APEH: variants seen among roughly 807,000 people sequenced by gnomAD.
APEH encodes the protein acylaminoacyl-peptide hydrolase.
Under a neutral mutation model 102.7 loss-of-function variants are expected in APEH, and 75 were observed. The observed-to-expected ratio is 0.73, with a 90% CI of 0.61 to 0.89. The LOEUF (loss-of-function observed/expected upper bound fraction) is 0.89. Among genes scored for constraint, APEH ranks in the 40% least tolerant of loss-of-function variants. The pLI is 0.00. For synonymous variants in APEH, 344 were observed against 362.7 expected (o/e 0.95, Z 0.59); for missense variants, 863 against 941.2 (o/e 0.92, Z 1.09).
At position 49,682,667 on chromosome 3, in the gene APEH, G is replaced by A. The variant is rs374100556; in HGVS notation, c.1814G>A (p.Arg605Lys). The A allele has an allele frequency of 6.2e-7, 1 of 1,613,892 alleles. No homozygotes were observed. Among genetic ancestry groups the A allele is most frequent in the Non-Finnish European group, 8.5e-7 (1 of 1,180,024 alleles). Residue 605 changes from arginine to lysine, a missense_variant, in exon 19 of 22, where the codon AGG (arginine) becomes AAG (lysine). Physicochemically the swap from Arg to Lys is conservative, Grantham distance 26 (BLOSUM62 2). Coordinates refer to ENST00000296456, the MANE Select transcript of APEH (RefSeq NM_001640.4). ...ATTGGTCAGTACCCAGAGACCTACA[G>A]GGCCTGCGTGGCCCGGAACCCCGTG... ...HLIGQYPETY[R>K]ACVARNPVIN...
At chr3:49,677,133 T>C in intron 10 of APEH, 109 bp downstream of exon 10, 1 of 1,485,036 alleles carries the variant, frequency 6.7e-7, no homozygotes, top group Non-Finnish European at 9.2e-7. Flanking sequence ...TAGGTGCCCT[T>C]CTGTCCTCAA....
At position 49,675,950 on chromosome 3, in the gene APEH, G is replaced by A; in HGVS notation, c.426G>A (p.Gly142=). ...SFNLSALEKH[G]PVYEDDCFGC... is the part of the protein sequence containing the mutation. ...ACCTGTCAGCGCTGGAGAAACATGG[G>A]CCTGTTTATGAGGATGGTGAGGCAT... Residue 142 remains glycine (G), a synonymous_variant, in exon 5 of 22, where the codon GGG becomes GGA. Transcript: ENST00000296456. 4 of 1,614,214 alleles carry A rather than the reference G, an allele frequency of 2.5e-6. No individual in the cohort carries two copies. The highest frequency in any genetic ancestry group is 3.4e-6 in the Non-Finnish European group (4 of 1,180,028).
rs147426925 is a variant in APEH at position 49,676,962 on chromosome 3, C to T, written c.937C>T (p.Arg313Cys). The T allele has an allele frequency of 1.5e-5, 25 of 1,614,062 alleles. No homozygotes were observed. In the African/African-American group the frequency reaches 2.5e-4, roughly 16 times the overall value. ...TCCCCGGCTGAGCCCAGACCAATGT[C>T]GCATTGTCTACCTGCAGTACCCATC... ...SSPRLSPDQC[R>C]IVYLQYPSLI... Residue 313 changes from arginine to cysteine, a missense_variant, in exon 10 of 22, where the codon CGC becomes TGC. Transcript: ENST00000296456.
chr3:49,677,656 G>C (rs2053125648), intron 11 of APEH, 23 bp downstream of exon 11: 1 of 1,596,228 alleles, frequency 6.3e-7, no homozygotes, highest in South Asian at 1.1e-5. Flanking sequence ...TGGCTGGGTG[G>C]GTGCAGTGGG....
chr3:49,673,550 A>G (rs114663119), upstream of APEH, among the ~76,000 whole-genome samples: 1,202 of 152,096 alleles, frequency 7.9e-3, 19 homozygotes, highest in African/African-American at 0.026. Flanking sequence ...AGGCCTGGCG[A>G]CTGATAAGTC....
chr3:49,680,018 G>C, intron 13 of APEH: 1 of 238,576 alleles, frequency 4.2e-6, no homozygotes, highest in Admixed American at 5.0e-5. Flanking sequence ...AGGCAGCTCT[G>C]CCACCTGAGG....
intron 18 of APEH, 50 bp downstream of exon 18, chr3:49,682,486 G>A (rs774925939): frequency 1.2e-6 from 2 of 1,612,514 alleles, no homozygotes; most frequent in Non-Finnish European, 1.7e-6. Context: ...GCTGCCAGGG[G>A]GATGCCTCCA....
chr3:49,679,785 C>A lies in APEH; in HGVS notation c.1210+141C>A. 1 of 837,308 alleles carries A rather than the reference C, an allele frequency of 1.2e-6. No individual in the cohort carries two copies. The highest frequency in any genetic ancestry group is 1.9e-6 in the Non-Finnish European group (1 of 524,630). 51.9% of individuals were successfully genotyped at this position (837,308 alleles called of 1,614,324 possible). A position where few individuals can be genotyped will look rare whatever the true frequency, so the allele number is the denominator to read the frequency against. ...ACCACTGACTGTTCCACAGCCTTTA[C>A]TAACAGGTCCCCAAGGCCCCTGTCT... On this transcript the variant is annotated intron_variant, in intron 13 of 21. Transcript: ENST00000296456. The surrounding 1 kb of genome is among the most constrained non-coding windows in gnomAD (Gnocchi z 4.3).
intron 2 of APEH, 96 bp from the exon 3 acceptor site, chr3:49,675,087 G>A: frequency 6.6e-7 from 1 of 1,513,668 alleles, no homozygotes; most frequent in Non-Finnish European, 9.1e-7. Flanking sequence ...AGAGATTGGG[G>A]AAGATAGATC....
Position 49,683,331 on chromosome 3 carries a change from T to G in APEH, c.2188T>G (p.Leu730Val). ...MNAVLWLRTHLGS is the reference protein window; with the variant it reads ...MNAVLWLRTHVGS ...TGCTGTGCTCTGGCTACGCACACAC[T>G]TGGGCAGCTGAAGCCCTGCCATTCT... The change falls in exon 22 of 22, where the codon TTG becomes GTG. Residue 730 changes from leucine to valine, a missense_variant. By Grantham distance (32) the Leu-to-Val change is conservative. Transcript: ENST00000296456. 1 of 1,612,744 alleles carries G rather than the reference T, an allele frequency of 6.2e-7. No homozygotes were observed.
At position 49,677,024 on chromosome 3, in the gene APEH, G is replaced by A; in HGVS notation, c.999G>A (p.Leu333=). The A allele has an allele frequency of 1.2e-6, 2 of 1,614,074 alleles. No individual in the cohort carries two copies. The highest frequency in any genetic ancestry group is 2.2e-5 in the South Asian group (2 of 91,084). ...IPHHQCSQLC[L]YDWYTKVTSV... ...ATCACCAATGCAGCCAGCTGTGCCT[G>A]GTGAGCTGGAGGTGGCAGGGATGGG... Residue 333 remains leucine, a splice_region_variant and synonymous_variant, in exon 10 of 22, where the codon CTG becomes CTA. Coordinates refer to ENST00000296456, the MANE Select transcript of APEH (RefSeq NM_001640.4).
intron 11 of APEH, among the ~76,000 whole-genome samples, chr3:49,677,893 A>T (rs534629302): frequency 3.3e-5 from 5 of 152,224 alleles, no homozygotes; most frequent in Admixed American, 3.3e-4. Flanking sequence ...ATGATGTATT[A>T]TTTCCTGTGC....
At chr3:49,677,921 G>T (rs4855882) in intron 11 of APEH, among the ~76,000 whole-genome samples, 130,530 of 152,116 alleles carry the variant, frequency 0.86, 56,168 homozygotes, top group East Asian at 0.99. Flanking sequence ...CATAATTAGA[G>T]TTTTCTTATT....
At position 49,677,006 on chromosome 3, in the gene APEH, A is replaced by G. The variant is rs1364955399; in HGVS notation, c.981A>G (p.Gln327=). ...LQYPSLIPHH[Q]CSQLCLYDWY... ...ACCCATCTCTGATCCCCCATCACCA[A>G]TGCAGCCAGCTGTGCCTGGTGAGCT... is the stretch of plus-strand genomic sequence containing the variant. Residue 327 remains glutamine, a synonymous_variant, in exon 10 of 22, where the codon CAA becomes CAG. Coordinates refer to ENST00000296456, the MANE Select transcript of APEH (RefSeq NM_001640.4). The G allele has an allele frequency of 6.2e-7, 1 of 1,614,044 alleles. No homozygotes were observed. The highest frequency in any genetic ancestry group is 8.5e-7 in the Non-Finnish European group (1 of 1,180,020).
intron 11 of APEH, among the ~76,000 whole-genome samples, chr3:49,678,087 G>A (rs905527021): frequency 6.6e-6 from 1 of 152,112 alleles, no homozygotes; most frequent in East Asian, 1.9e-4. Context: ...TCCAGTCTAA[G>A]CCCTGAAGTC....
chr3:49,682,728 C>G lies in APEH; in HGVS notation c.1875C>G (p.Ile625Met). Residue 625 changes from isoleucine to methionine, a missense_variant, in exon 19 of 22, where the codon ATC becomes ATG. Ile to Met is a conservative substitution (Grantham distance 10). Transcript: ENST00000296456. Reference protein sequence around the residue: ...NIASMLGSTDIPDWCVVEAGF... With the variant: ...NIASMLGSTDMPDWCVVEAGF... The stretch of plus-strand genomic sequence containing the variant: ...CCTCCATGTTGGGCTCCACTGACAT[C>G]CCTGACTGGTAGGCATACACCACAG... 6.2e-7 allele frequency: 1 copy of G among 1,613,910 alleles called. No individual in the cohort carries two copies. Among genetic ancestry groups the G allele is most frequent in the Non-Finnish European group, 8.5e-7 (1 of 1,179,976 alleles).
At chr3:49,677,770 C>G in intron 11 of APEH, 137 bp downstream of exon 11, 1 of 843,602 alleles carries the variant, frequency 1.2e-6, no homozygotes. Context: ...GCCTTATGCC[C>G]AGCATCCTCA....
Position 49,679,517 on chromosome 3 carries a change from G to T in APEH, c.1159-76G>T. 1.3e-6 allele frequency: 2 copies of T among 1,481,734 alleles called. No individual in the cohort carries two copies. The highest frequency in any genetic ancestry group is 1.1e-5 in the South Asian group (1 of 87,790). The allele number at this position is 1,481,734 out of a possible 1,614,324, so 91.8% of individuals were successfully genotyped here. On this transcript the variant is annotated intron_variant, in intron 12 of 21. Transcript: ENST00000296456. The surrounding 1 kb of genome is among the most constrained non-coding windows in gnomAD (Gnocchi z 4.3). ...CAGGGCTCTCCAAGAGGGTAGAGAG[G>T]AGGTAGGGGAGGGACCCATAGGTAG...
intron 11 of APEH, 65 bp downstream of exon 11, chr3:49,677,698 C>T (rs1037589139): frequency 7.6e-6 from 11 of 1,443,212 alleles, no homozygotes; most frequent in Non-Finnish European, 1.1e-5. Context: ...CCGTCTGTTG[C>T]ATCCCTGCCC....
Sources: allele counts gnomAD v4.1 joint callset (sites outside exome capture counted in the v4.1 genomes callset), GRCh38; gene constraint gnomAD v4.1.1; non-coding constraint Gnocchi (gnomAD v3.1); transcripts MANE v1.5; gene names NCBI Gene and HGNC (gene_info 2026-07-23, HGNC 2026-07-21).